The following ZNF84 variants were observed in gnomAD, a reference collection of about 807,000 sequenced individuals.
ZNF84 encodes the protein zinc finger protein 84.
In ZNF84, 12 loss-of-function variants were observed where a neutral mutation model predicts 14.8. The observed-to-expected ratio is 0.81, with a 90% confidence interval of 0.52 to 1.31. The LOEUF (loss-of-function observed/expected upper bound fraction) is 1.31, where lower values mean the gene tolerates loss of function less well. Ranked by LOEUF, ZNF84 falls within the 50% of genes most tolerant of loss-of-function variation. The pLI is 0.00. For missense variants in ZNF84, 859 were observed against 878.6 expected (o/e 0.98, Z 0.28); for synonymous variants, 347 against 291.1 (o/e 1.19, Z -1.96).
At chr12:133,037,626 G>A (rs891418751) in intron 1 of ZNF84, 81 bp downstream of exon 1, 1 of 152,098 alleles carries the variant, frequency 6.6e-6, no homozygotes, top group Admixed American at 6.6e-5. Flanking sequence ...TGGCCGCGGG[G>A]AGCTTCGGCT....
chr12:133,057,152 C>CA lies in ZNF84; in HGVS notation c.441dup (p.Gly148ArgfsTer10). On this transcript the variant is annotated frameshift_variant, in exon 5 of 5. Transcript: ENST00000539354. LOFTEE classifies it low-confidence loss of function (END_TRUNC). ...AAACATCATTTAGATTTGCTTATTC[C>CA]AAAAGGAGATTATGGAAAAGCAGAA... The CA allele has an allele frequency of 6.2e-7, 1 of 1,610,792 alleles. No individual in the cohort carries two copies.
chr12:133,058,109 G>A lies in ZNF84; in HGVS notation c.1394G>A (p.Gly465Glu). ...AAACCCTTTATATGCAGTAAATGTGGGAAAGCCTTCAGCAGGAAATCACAG... is the reference window on the plus strand; with the variant it reads ...AAACCCTTTATATGCAGTAAATGTGAGAAAGCCTTCAGCAGGAAATCACAG... ...GEKPFICSKC[G>E]KAFSRKSQLV... is the part of the protein sequence containing the mutation. The change falls in exon 5 of 5, where the codon GGG becomes GAG. Residue 465 changes from glycine to glutamate, a missense_variant. Gly to Glu is a moderately conservative substitution (Grantham distance 98, BLOSUM62 -2). Transcript: ENST00000539354. 6.2e-7 allele frequency: 1 copy of A among 1,613,972 alleles called. No homozygotes were observed. Among genetic ancestry groups the A allele is most frequent in the Non-Finnish European group, 8.5e-7 (1 of 1,180,020 alleles).
chr12:133,057,477 C>T lies in ZNF84; in HGVS notation c.762C>T (p.His254=). The T allele has an allele frequency of 4.3e-6, 7 of 1,614,196 alleles. No homozygotes were observed. The South Asian group carries it at 6.6e-5, about 15-fold the overall frequency. The change falls in exon 5 of 5, where the codon CAC becomes CAT. Residue 254 remains histidine, a synonymous_variant. Coordinates refer to ENST00000539354, the MANE Select transcript of ZNF84 (RefSeq NM_001289971.2). The stretch of plus-strand genomic sequence containing the variant: ...AGAAGTCTCAGTTTATTACACATCA[C>T]AGAACTCATACAGGAGAAAAACCTT... ...FPQKSQFITH[H]RTHTGEKPYN... is the part of the protein sequence containing the mutation.
At chr12:133,049,896 C>G (rs1230809777) in intron 4 of ZNF84, among the ~76,000 whole-genome samples, 1 of 152,152 alleles carries the variant, frequency 6.6e-6, no homozygotes, top group Non-Finnish European at 1.5e-5. Context: ...CATGATGTCT[C>G]ATTTCTGAAG....
chr12:133,050,088 T>C (rs1033400179), intron 4 of ZNF84, among the ~76,000 whole-genome samples: 30 of 152,310 alleles, frequency 2.0e-4, no homozygotes, highest in African/African-American at 6.7e-4. Flanking sequence ...CAGATACTTA[T>C]GTGAGTGTAA....
chr12:133,050,129 G>A (rs114277915), intron 4 of ZNF84, among the ~76,000 whole-genome samples: 6,540 of 152,260 alleles, frequency 0.043, 466 homozygotes, highest in African/African-American at 0.15. Flanking sequence ...CCCCACAAAT[G>A]TAGTGAGAGA....
rs893661959 is a variant in ZNF84 at position 133,059,639 on chromosome 12, T to C, written c.*707T>C. ...GTGGTATTTGTGGCTTATCTTCTAG[T>C]GTCACGTATGTTTTGTGTTTTGGAC... On this transcript the variant is annotated 3_prime_UTR_variant, in exon 5 of 5. Coordinates refer to ENST00000539354, the MANE Select transcript of ZNF84 (RefSeq NM_001289971.2). The C allele has an allele frequency of 6.6e-6, 1 of 152,264 alleles. No homozygotes were observed. The highest frequency in any genetic ancestry group is 1.5e-5 in the Non-Finnish European group (1 of 68,048). The allele number at this position is 152,264 out of a possible 1,614,324, so 9.4% of individuals were successfully genotyped here. A position where few individuals can be genotyped will look rare whatever the true frequency, so the allele number is the denominator to read the frequency against.
At chr12:133,042,681 C>T (rs1166065036) in intron 2 of ZNF84, among the ~76,000 whole-genome samples, 3 of 152,188 alleles carry the variant, frequency 2.0e-5, no homozygotes, top group South Asian at 2.1e-4. Flanking sequence ...ATGAACCTTA[C>T]GGCATTTTTC....
chr12:133,056,760 T>C (rs1353352088), intron 4 of ZNF84, among the ~76,000 whole-genome samples, 194 bp from the exon 5 acceptor site: 1 of 152,230 alleles, frequency 6.6e-6, no homozygotes, highest in Non-Finnish European at 1.5e-5. Flanking sequence ...TAATCTCCAG[T>C]CAGTTTCCTG....
Position 133,058,141 on chromosome 12 carries a change from A to T in ZNF84, c.1426A>T (p.Arg476Ter). ...CTTCAGCAGGAAATCACAGCTCGTT[A>T]GACATCAGAGAACTCATACGGGAGA... ...KAFSRKSQLV[R>*]HQRTHTGEKP... Residue 476 changes from arginine to a stop codon, truncating the protein, a stop_gained, in exon 5 of 5, where the codon AGA (arginine) becomes TGA (stop). Coordinates refer to ENST00000539354, the MANE Select transcript of ZNF84 (RefSeq NM_001289971.2). LOFTEE classifies it low-confidence loss of function (END_TRUNC). 2 of 1,614,050 alleles carry T rather than the reference A, an allele frequency of 1.2e-6. No homozygotes were observed. Among genetic ancestry groups the T allele is most frequent in the Non-Finnish European group, 1.7e-6 (2 of 1,180,034 alleles).
intron 3 of ZNF84, 170 bp from the exon 4 acceptor site, chr12:133,048,583 C>T: frequency 3.9e-6 from 2 of 519,428 alleles, no homozygotes; most frequent in South Asian, 2.2e-5. Context: ...TGGCTTTGTA[C>T]TAGACCCTAT....
chr12:133,058,951 T>G lies in ZNF84; in HGVS notation c.*19T>G. 1 of 1,552,136 alleles carries G rather than the reference T, an allele frequency of 6.4e-7. No homozygotes were observed. The highest frequency in any genetic ancestry group is 8.7e-7 in the Non-Finnish European group (1 of 1,155,240). ...ATCCTAGGAATACAGTTAATAGTAG[T>G]CTTTGACAGATCATCTTGGACTTCA... On this transcript the variant is annotated 3_prime_UTR_variant, in exon 5 of 5. Coordinates refer to ENST00000539354, the MANE Select transcript of ZNF84 (RefSeq NM_001289971.2).
rs1330628048 is a variant in ZNF84 at position 133,059,976 on chromosome 12, C to G, written c.*1044C>G. The G allele has an allele frequency of 2.6e-5, 4 of 152,268 alleles. No homozygotes were observed. Among genetic ancestry groups the G allele is most frequent in the East Asian group, 1.9e-4 (1 of 5,188 alleles). 9.4% of individuals were successfully genotyped at this position (152,268 alleles called of 1,614,324 possible). On this transcript the variant is annotated 3_prime_UTR_variant, in exon 5 of 5. Coordinates refer to ENST00000539354, the MANE Select transcript of ZNF84 (RefSeq NM_001289971.2). ...TTTATATAAAATAAATATGCAAAGG[C>G]AGGAACCACAGAATAACCATAGTAA...
chr12:133,057,722 A>AC lies in ZNF84; in HGVS notation c.1009dup (p.His337ProfsTer8). ...TTTAGTGAAAAGTCCAATCTCATTA[A>AC]CCATCAGAGAATTCATACCGGTGAG... On this transcript the variant is annotated frameshift_variant, in exon 5 of 5. Coordinates refer to ENST00000539354, the MANE Select transcript of ZNF84 (RefSeq NM_001289971.2). LOFTEE classifies it low-confidence loss of function (END_TRUNC). 6.2e-7 allele frequency: 1 copy of AC among 1,613,874 alleles called. No homozygotes were observed. The highest frequency in any genetic ancestry group is 1.7e-5 in the Admixed American group (1 of 59,992).
chr12:133,050,697 G>C (rs1954054971), intron 4 of ZNF84: 1 of 395,668 alleles, frequency 2.5e-6, no homozygotes, highest in Non-Finnish European at 4.4e-6. Flanking sequence ...ATAGGAACTT[G>C]ATTTTCACTG....
intron 4 of ZNF84, among the ~76,000 whole-genome samples, chr12:133,055,141 G>C (rs1248952995): frequency 1.9e-4 from 29 of 152,064 alleles, no homozygotes; most frequent in Middle Eastern, 6.8e-3. Flanking sequence ...AGAAAATTTT[G>C]AGTTATTTAT....
intron 2 of ZNF84, among the ~76,000 whole-genome samples, chr12:133,043,310 G>T (rs939011527): frequency 6.6e-6 from 1 of 151,938 alleles, no homozygotes; most frequent in African/African-American, 2.4e-5. Flanking sequence ...GACTACAGGC[G>T]CACGCTCCCA....
rs1954189063 is a variant in ZNF84 at position 133,057,866 on chromosome 12, T to C, written c.1151T>C (p.Phe384Ser). The change falls in exon 5 of 5, where the codon TTC (phenylalanine) becomes TCC (serine). Residue 384 changes from phenylalanine to serine, a missense_variant. Coordinates refer to ENST00000539354, the MANE Select transcript of ZNF84 (RefSeq NM_001289971.2). ...PFGCSDCRKA[F>S]FEKSELIRHQ... The stretch of plus-strand genomic sequence containing the variant: ...GGATGTAGTGATTGTAGAAAAGCAT[T>C]CTTTGAGAAGTCAGAGCTTATTAGA... 2.1e-5 allele frequency: 34 copies of C among 1,613,338 alleles called. No individual in the cohort carries two copies. The highest frequency in any genetic ancestry group is 3.3e-5 in the Admixed American group (2 of 59,956).
chr12:133,057,829 A>AC lies in ZNF84; in HGVS notation c.1115dup (p.Pro374ThrfsTer5). ...TACACATCACAGAACTCACACAGGA[A>AC]CAAAACCCTTTGGATGTAGTGATTG... On this transcript the variant is annotated frameshift_variant, in exon 5 of 5. Coordinates refer to ENST00000539354, the MANE Select transcript of ZNF84 (RefSeq NM_001289971.2). LOFTEE classifies it low-confidence loss of function (END_TRUNC). 6.2e-7 allele frequency: 1 copy of AC among 1,612,836 alleles called. No homozygotes were observed. The highest frequency in any genetic ancestry group is 8.5e-7 in the Non-Finnish European group (1 of 1,179,496).
Sources: allele counts gnomAD v4.1 joint callset (sites outside exome capture counted in the v4.1 genomes callset), GRCh38; gene constraint gnomAD v4.1.1; transcripts MANE v1.5; gene names NCBI Gene and HGNC (gene_info 2026-07-23, HGNC 2026-07-21).